LRP1B: variants seen among roughly 807,000 people sequenced by gnomAD.
LRP1B encodes the protein low-density lipoprotein receptor-related protein 1B.
Under a neutral mutation model 556.6 loss-of-function variants are expected in LRP1B, and 217 were observed. The ratio of observed to expected loss-of-function variants is 0.39; its 90% CI spans 0.35 to 0.44. The LOEUF is 0.44. Ranked by LOEUF, LRP1B falls within the 20% of genes least tolerant of loss-of-function variation. The pLI is 1.00. For synonymous variants in LRP1B, 2,047 were observed against 1,865.8 expected (o/e 1.10, Z -2.50); for missense variants, 5,053 against 5,620.8 (o/e 0.90, Z 3.23).
chr2:140,710,737 A>G (rs1687001788), intron 37 of LRP1B, among the ~76,000 whole-genome samples: 1 of 152,002 alleles, frequency 6.6e-6, no homozygotes, highest in Admixed American at 6.6e-5. Context: ...ATCAGTGGAG[A>G]AAACTGTCCT....
At chr2:141,960,461 T>G (rs1399031329) in intron 1 of LRP1B, among the ~76,000 whole-genome samples, 1 of 151,864 alleles carries the variant, frequency 6.6e-6, no homozygotes, top group East Asian at 1.9e-4. Context: ...AACAACATAT[T>G]ATCGTGTATT....
At chr2:141,388,923 A>C (rs1689946540) in intron 3 of LRP1B, among the ~76,000 whole-genome samples, 1 of 152,194 alleles carries the variant, frequency 6.6e-6, no homozygotes, top group African/African-American at 2.4e-5. Flanking sequence ...AAAAATAACT[A>C]GGAATAAGTT....
chr2:140,514,353 C>A (rs1689791918), intron 51 of LRP1B, among the ~76,000 whole-genome samples: 1 of 151,754 alleles, frequency 6.6e-6, no homozygotes, highest in Non-Finnish European at 1.5e-5. Context: ...GATTATTTGA[C>A]CCTGTAATCT....
At chr2:140,854,288 T>C (rs1470075761) in intron 27 of LRP1B, among the ~76,000 whole-genome samples, 1 of 152,078 alleles carries the variant, frequency 6.6e-6, no homozygotes, top group Non-Finnish European at 1.5e-5. Flanking sequence ...CACCCTACAA[T>C]TATGAAAAAA....
intron 27 of LRP1B, among the ~76,000 whole-genome samples, chr2:140,862,709 T>C (rs1692834096): frequency 6.6e-6 from 1 of 152,170 alleles, no homozygotes; most frequent in Non-Finnish European, 1.5e-5. Context: ...TAAATTTGAC[T>C]AGTCTAGAGA....
rs1362645852 is a variant in LRP1B at position 142,064,245 on chromosome 2, T to C, written c.82+66403A>G. Among the ~76,000 whole-genome samples, 5 of 151,632 alleles carry C rather than the reference T, an allele frequency of 3.3e-5. No homozygotes were observed. The East Asian group carries it at 7.8e-4, about 24-fold the overall frequency. On this transcript the variant is annotated intron_variant, in intron 1 of 90. Coordinates refer to ENST00000389484, the MANE Select transcript of LRP1B (RefSeq NM_018557.3). ...TGTACTCTATTTTTCAAGATCTTAG[T>C]TACATTGGACAATGATTAATATTGC...
intron 2 of LRP1B, among the ~76,000 whole-genome samples, chr2:141,590,844 T>A (rs1372100153): frequency 6.6e-6 from 1 of 152,106 alleles, no homozygotes; most frequent in African/African-American, 2.4e-5. Flanking sequence ...CAGTCCCAAT[T>A]CACCAGTCAA....
intron 1 of LRP1B, among the ~76,000 whole-genome samples, chr2:141,861,900 A>G (rs1663970046): frequency 6.6e-6 from 1 of 151,952 alleles, no homozygotes; most frequent in African/African-American, 2.4e-5. Context: ...ACTGCACTTT[A>G]GCCTGGGCAA....
At chr2:140,703,097 T>C (rs1311328400) in intron 37 of LRP1B, among the ~76,000 whole-genome samples, 5 of 152,200 alleles carry the variant, frequency 3.3e-5, no homozygotes, top group African/African-American at 1.2e-4. Context: ...TAAATACATA[T>C]TTAATTTATG....
intron 2 of LRP1B, among the ~76,000 whole-genome samples, chr2:141,631,190 A>T (rs1224095322): frequency 6.6e-6 from 1 of 152,090 alleles, no homozygotes; most frequent in African/African-American, 2.4e-5. Flanking sequence ...AAAGCCCCTT[A>T]TAACCCCATC....
chr2:141,022,365 A>G (rs1237068068), intron 11 of LRP1B, among the ~76,000 whole-genome samples: 1 of 151,876 alleles, frequency 6.6e-6, no homozygotes, highest in Non-Finnish European at 1.5e-5. Context: ...AAGATCTATG[A>G]GCAAATTGGG....
chr2:140,876,103 C>G (rs558819321), intron 25 of LRP1B, among the ~76,000 whole-genome samples: 1 of 152,210 alleles, frequency 6.6e-6, no homozygotes, highest in African/African-American at 2.4e-5. Context: ...AGAGGAAAAG[C>G]TTTCAGAACT....
chr2:141,742,251 C>T (rs1249380860), intron 2 of LRP1B, among the ~76,000 whole-genome samples: 19 of 131,238 alleles, frequency 1.4e-4, no homozygotes, highest in East Asian at 4.8e-4. Context: ...TTTTTTCTTT[C>T]TTTCTTTTTT....
At chr2:141,558,404 A>T (rs1039038752) in intron 2 of LRP1B, among the ~76,000 whole-genome samples, 2 of 151,784 alleles carry the variant, frequency 1.3e-5, no homozygotes, top group Admixed American at 1.3e-4. Context: ...CACAGTACCT[A>T]AAGAGTTCCT....
chr2:140,282,153 A>T (rs1239221826), intron 84 of LRP1B, among the ~76,000 whole-genome samples: 1 of 151,770 alleles, frequency 6.6e-6, no homozygotes. Context: ...CATGCCCAAG[A>T]TTATGTCATG....
In LRP1B at chr2:141,560,644, A is replaced by T. The variant is rs76087330; in HGVS notation, c.206-80111T>A. 1.9e-3 allele frequency among the ~76,000 whole-genome samples: 290 copies of T among 151,788 alleles called. 3 individuals are homozygous for T. Among genetic ancestry groups the T allele is most frequent in the Admixed American group, 0.015 (229 of 15,214 alleles). On this transcript the variant is annotated intron_variant, in intron 2 of 90. Transcript: ENST00000389484. ...TCTAGGGAGAAAGGAAAGGAGAAAA[A>T]TTTTTGTAGCAGAGGCAATCAATAC...
At chr2:140,979,773 G>A (rs1696713778) in intron 18 of LRP1B, among the ~76,000 whole-genome samples, 1 of 152,108 alleles carries the variant, frequency 6.6e-6, no homozygotes, top group Non-Finnish European at 1.5e-5. Flanking sequence ...TAAAATGGTT[G>A]GATTCTAGTT....
intron 35 of LRP1B, among the ~76,000 whole-genome samples, chr2:140,758,282 A>C (rs1189711292): frequency 2.3e-5 from 3 of 132,022 alleles, no homozygotes; most frequent in South Asian, 2.6e-4. Flanking sequence ...TCATGTTAGA[A>C]TGTAAGTAAA....
intron 33 of LRP1B, among the ~76,000 whole-genome samples, chr2:140,772,296 T>C (rs962455768): frequency 1.8e-4 from 27 of 147,550 alleles, no homozygotes; most frequent in African/African-American, 6.4e-4. Flanking sequence ...TTATAATATA[T>C]ATATTTGTAT....
Sources: allele counts gnomAD v4.1 joint callset (sites outside exome capture counted in the v4.1 genomes callset), GRCh38; gene constraint gnomAD v4.1.1; transcripts MANE v1.5; gene names NCBI Gene and HGNC (gene_info 2026-07-23, HGNC 2026-07-21).